Variants in PCBD2 observed in about 807,000 individuals in gnomAD.
The protein encoded by PCBD2 is pterin-4-alpha-carbinolamine dehydratase 2.
Under a neutral mutation model 16.4 loss-of-function variants are expected in PCBD2, and 12 were observed. The observed-to-expected ratio is 0.73, with a 90% CI of 0.47 to 1.19. The LOEUF (loss-of-function observed/expected upper bound fraction) is 1.19, where lower values mean the gene tolerates loss of function less well. Ranked by LOEUF, PCBD2 falls within the 50% of genes most tolerant of loss-of-function variation. The pLI is 0.00. For missense variants in PCBD2, 138 were observed against 156.8 expected (o/e 0.88, Z 0.64); for synonymous variants, 58 against 61.8 (o/e 0.94, Z 0.29).
intron 3 of PCBD2, among the ~76,000 whole-genome samples, chr5:134,959,633 A>G (rs1751453058): frequency 6.6e-6 from 1 of 152,130 alleles, no homozygotes; most frequent in South Asian, 2.1e-4. Flanking sequence ...CCTTGCCTTT[A>G]TGGTCATGCC....
chr5:134,907,811 A>T (rs1260858841), intron 1 of PCBD2, among the ~76,000 whole-genome samples: 1 of 145,120 alleles, frequency 6.9e-6, no homozygotes, highest in African/African-American at 2.6e-5. Context: ...TTTAGTAGAG[A>T]TGGGGTTTCA....
rs558030367 is a variant in PCBD2 at position 134,910,387 on chromosome 5, AC to A, written c.139del (p.Ala49GlnfsTer7). ...TAEERNQAIL[D>X]LKAAGWSELS... Reference sequence around the variant, plus strand: ...GAGGAGAGGAACCAAGCTATACTTGACCTTAAAGCAGCAGGATGGTCGGAAT... The same window carrying A: ...GAGGAGAGGAACCAAGCTATACTTGACTTAAAGCAGCAGGATGGTCGGAAT... On this transcript the variant is annotated frameshift_variant, in exon 2 of 4. Transcript: ENST00000254908. LOFTEE classifies it high-confidence loss of function. The A allele has an allele frequency of 6.2e-7, 1 of 1,614,054 alleles. No individual in the cohort carries two copies. The highest frequency in any genetic ancestry group is 8.5e-7 in the Non-Finnish European group (1 of 1,179,878).
At chr5:134,910,647 T>G (rs1750756997) in intron 2 of PCBD2, among the ~76,000 whole-genome samples, 181 bp downstream of exon 2, 1 of 152,184 alleles carries the variant, frequency 6.6e-6, no homozygotes, top group South Asian at 2.1e-4. Context: ...ACCTGGGTGG[T>G]GTTTAGCTCT....
intron 2 of PCBD2, among the ~76,000 whole-genome samples, chr5:134,912,851 G>T (rs562933838): frequency 1.3e-5 from 2 of 152,188 alleles, no homozygotes; most frequent in Admixed American, 6.5e-5. Flanking sequence ...CTCACAACTC[G>T]TGAGTAGAGT....
chr5:134,958,430 A>G (rs1245440911), intron 2 of PCBD2, among the ~76,000 whole-genome samples: 1 of 152,116 alleles, frequency 6.6e-6, no homozygotes. Context: ...GTCACCTTGA[A>G]ATGGCAGTGC....
intron 2 of PCBD2, among the ~76,000 whole-genome samples, chr5:134,940,878 C>T (rs1751218040): frequency 6.6e-6 from 1 of 151,906 alleles, no homozygotes; most frequent in African/African-American, 2.4e-5. Flanking sequence ...GCCTGTAATC[C>T]CAGCACTTTG....
chr5:134,955,301 C>CAACA (rs1751402152), intron 2 of PCBD2, among the ~76,000 whole-genome samples: 1 of 148,832 alleles, frequency 6.7e-6, no homozygotes, highest in Non-Finnish European at 1.5e-5. Flanking sequence ...AGTTAAATAG[C>CAACA]AACAATGGTT....
At chr5:134,929,346 C>CAAA (rs74273275) in intron 2 of PCBD2, among the ~76,000 whole-genome samples, 5 of 91,362 alleles carry the variant, frequency 5.5e-5, no homozygotes, top group Admixed American at 1.1e-4. Context: ...GACCTTGTCT[C>CAAA]AAAAAAAAAA....
chr5:134,938,832 A>G (rs1294718185), intron 2 of PCBD2, among the ~76,000 whole-genome samples: 3 of 152,362 alleles, frequency 2.0e-5, no homozygotes, highest in East Asian at 1.9e-4. Context: ...AACCAAACTC[A>G]TTTATTACTA....
chr5:134,943,058 A>G (rs1751247900), intron 2 of PCBD2, among the ~76,000 whole-genome samples: 2 of 152,214 alleles, frequency 1.3e-5, no homozygotes, highest in Admixed American at 1.3e-4. Context: ...CTCCTTGTGC[A>G]TAAGTGTAAG....
At chr5:134,924,148 G>C (rs1160463236) in intron 2 of PCBD2, 3 of 397,802 alleles carry the variant, frequency 7.5e-6, no homozygotes, top group Non-Finnish European at 1.3e-5. Flanking sequence ...TTTCTGTTGA[G>C]TGTGGGTTTA....
At chr5:134,911,181 G>A (rs1357568380) in intron 2 of PCBD2, among the ~76,000 whole-genome samples, 11 of 152,204 alleles carry the variant, frequency 7.2e-5, no homozygotes, top group Non-Finnish European at 1.3e-4. Flanking sequence ...TTTCTGGGCC[G>A]TTGGTAATTT....
chr5:134,934,884 G>A (rs544899528), intron 2 of PCBD2, among the ~76,000 whole-genome samples: 1 of 152,212 alleles, frequency 6.6e-6, no homozygotes, highest in Non-Finnish European at 1.5e-5. Context: ...GATTATATCT[G>A]TCAAGACTGT....
chr5:134,957,209 A>G (rs1751424272), intron 2 of PCBD2, among the ~76,000 whole-genome samples: 2 of 152,332 alleles, frequency 1.3e-5, no homozygotes, highest in East Asian at 3.9e-4. Context: ...CCGTGAGCCA[A>G]GATAATCCCA....
At position 134,961,538 on chromosome 5, in the gene PCBD2, C is replaced by T. The variant is rs1049336865; in HGVS notation, c.*857C>T. 1.3e-5 allele frequency among the ~76,000 whole-genome samples: 2 copies of T among 152,064 alleles called. No homozygotes were observed. The highest frequency in any genetic ancestry group is 6.5e-5 in the Admixed American group (1 of 15,272). On this transcript the variant is annotated 3_prime_UTR_variant, in exon 4 of 4. Coordinates refer to ENST00000254908, the MANE Select transcript of PCBD2 (RefSeq NM_032151.5). ...TGACCTCGTGATCCACCTGCCTCCA[C>T]CTCCGAAAGTGTTGGGATCACAGGC...
chr5:134,944,656 A>T (rs914827972), intron 2 of PCBD2, among the ~76,000 whole-genome samples: 3 of 152,136 alleles, frequency 2.0e-5, no homozygotes, highest in Non-Finnish European at 4.4e-5. Context: ...TTGAGGGTGG[A>T]ATTCTTGGAC....
intron 2 of PCBD2, chr5:134,924,365 A>C (rs758942808): frequency 2.5e-6 from 1 of 395,692 alleles, no homozygotes; most frequent in Non-Finnish European, 4.5e-6. Context: ...ATCCTGAGGC[A>C]TGGGGGTCAG....
chr5:134,925,699 A>G, intron 2 of PCBD2: 1 of 397,078 alleles, frequency 2.5e-6, no homozygotes, highest in Non-Finnish European at 4.4e-6. Context: ...GACTCCTGCT[A>G]CAACTATAGT....
intron 1 of PCBD2, chr5:134,909,057 A>C (rs1024043468): frequency 6.6e-6 from 1 of 152,268 alleles, no homozygotes; most frequent in Non-Finnish European, 1.5e-5. Flanking sequence ...ACTTCTAGTC[A>C]AGTGTCCATA....
Sources: allele counts gnomAD v4.1 joint callset (sites outside exome capture counted in the v4.1 genomes callset), GRCh38; gene constraint gnomAD v4.1.1; transcripts MANE v1.5; gene names NCBI Gene and HGNC (gene_info 2026-07-23, HGNC 2026-07-21).